SYNE1: variants seen among roughly 807,000 people sequenced by gnomAD.
SYNE1 encodes spectrin repeat containing nuclear envelope protein 1.
In SYNE1, 616 loss-of-function variants were observed where a neutral mutation model predicts 1,111.0. That is an observed-to-expected ratio of 0.55 (90% CI 0.52 to 0.59). The LOEUF (loss-of-function observed/expected upper bound fraction) is 0.59, where lower values mean the gene tolerates loss of function less well. SYNE1 is among the 20% of genes least tolerant of loss of function. SYNE1 has a pLI of 0.00. For missense variants in SYNE1, 10,006 were observed against 10,417.0 expected (o/e 0.96, Z 1.72); for synonymous variants, 3,855 against 3,825.8 (o/e 1.01, Z -0.28).
At chr6:152,596,069 A>G (rs1407223944) in intron 3 of SYNE1, among the ~76,000 whole-genome samples, 2 of 141,112 alleles carry the variant, frequency 1.4e-5, no homozygotes, top group African/African-American at 2.6e-5. Context: ...TTCTATCCCA[A>G]AAGAGTGTGC....
At chr6:152,441,595 A>G (rs2098530953) in intron 31 of SYNE1, among the ~76,000 whole-genome samples, 1 of 152,254 alleles carries the variant, frequency 6.6e-6, no homozygotes, top group African/African-American at 2.4e-5. Context: ...TGTCTCAAAC[A>G]AGAAAGGAAG....
At chr6:152,515,822 A>G (rs1408170317) in intron 6 of SYNE1, among the ~76,000 whole-genome samples, 1 of 152,250 alleles carries the variant, frequency 6.6e-6, no homozygotes, top group Non-Finnish European at 1.5e-5. Flanking sequence ...TGTTCACCAC[A>G]GTCACATTTA....
intron 3 of SYNE1, among the ~76,000 whole-genome samples, chr6:152,542,782 T>C (rs1023427212): frequency 2.6e-5 from 4 of 152,114 alleles, no homozygotes; most frequent in African/African-American, 9.7e-5. Context: ...AATCTTTAGG[T>C]TGTATAAATA....
intron 74 of SYNE1, among the ~76,000 whole-genome samples, chr6:152,343,401 G>A (rs1332443974): frequency 9.3e-5 from 14 of 150,218 alleles, no homozygotes; most frequent in Admixed American, 7.9e-4. Flanking sequence ...CTGTGTGGTC[G>A]GCCCGCCTTG....
intron 96 of SYNE1, among the ~76,000 whole-genome samples, chr6:152,282,551 GA>G (rs1326594231): frequency 1.3e-5 from 2 of 150,122 alleles, no homozygotes; most frequent in African/African-American, 4.9e-5. Flanking sequence ...AATTCATGTT[GA>G]AAAAAAAATC....
chr6:152,396,681 A>G, intron 50 of SYNE1, 94 bp downstream of exon 50: 1 of 1,167,608 alleles, frequency 8.6e-7, no homozygotes, highest in Non-Finnish European at 1.3e-6. Context: ...TCACAGTGTC[A>G]AACGTTATTT....
Position 152,330,360 on chromosome 6 carries a change from G to A in SYNE1, c.14325C>T (p.Asp4775=). 1 of 1,614,134 alleles carries A rather than the reference G, an allele frequency of 6.2e-7. No individual in the cohort carries two copies. Reference sequence around the variant, plus strand: ...CGTGTTCTTGGTAAGCACTGGTGGTGTCTTCTAATAAGCTAACCCTCTGTT... The same window carrying A: ...CGTGTTCTTGGTAAGCACTGGTGGTATCTTCTAATAAGCTAACCCTCTGTT... ...QTEQRVSLLE[D]TTSAYQEHEK... is the part of the protein sequence containing the mutation. The change falls in exon 78 of 146, where the codon GAC becomes GAT. Residue 4775 remains aspartate (D), a synonymous_variant. Transcript: ENST00000367255.
chr6:152,227,992 C>G lies in SYNE1; in HGVS notation c.21196-2116G>C, dbSNP rs11967868. ...TTAACTTCGATTAATTCATAAATAT[C>G]AGTTTTATGTTGGTTTAAATTAATA... is the stretch of plus-strand genomic sequence containing the variant. On this transcript the variant is annotated intron_variant, in intron 115 of 145. Transcript: ENST00000367255. Among the ~76,000 whole-genome samples the G allele has an allele frequency of 4.6e-3, 694 of 152,190 alleles. 7 individuals carry two copies. Among genetic ancestry groups the G allele is most frequent in the African/African-American group, 0.016 (671 of 41,536 alleles).
At position 152,122,244 on chromosome 6, in the gene SYNE1, T is replaced by A; in HGVS notation, c.*192A>T. 1.2e-6 allele frequency: 1 copy of A among 819,720 alleles called. No homozygotes were observed. Among genetic ancestry groups the A allele is most frequent in the Non-Finnish European group, 1.9e-6 (1 of 517,784 alleles). The allele number at this position is 819,720 out of a possible 1,614,324, so 50.8% of individuals were successfully genotyped here. On this transcript the variant is annotated 3_prime_UTR_variant, in exon 146 of 146. Coordinates refer to ENST00000367255, the MANE Select transcript of SYNE1 (RefSeq NM_182961.4). The stretch of plus-strand genomic sequence containing the variant: ...TTCTTCCAAACCTTCTTGTTGTCTG[T>A]TTGTTCCCCCGTCACTGTTTATCTT...
At chr6:152,202,346 CAAAA>C (rs35563822) in intron 126 of SYNE1, among the ~76,000 whole-genome samples, 2 of 48,042 alleles carry the variant, frequency 4.2e-5, no homozygotes, top group Admixed American at 4.1e-4. Context: ...GACTCTGTCT[CAAAA>C]AAAAAAAAAA....
At position 152,256,712 on chromosome 6, in the gene SYNE1, G is replaced by A. The variant is rs370053768; in HGVS notation, c.19026C>T (p.Asp6342=). The change falls in exon 102 of 146, where the codon GAC becomes GAT. Residue 6342 remains aspartate (D), a synonymous_variant. Coordinates refer to ENST00000367255, the MANE Select transcript of SYNE1 (RefSeq NM_182961.4). ...CTGCAGATTTATCTTGGGTTGGCAC[G>A]TCCCCTTTGTACAGTGGCACACCAG... ...LLSGVPLYKG[D]VPTQDKSAVT... is the part of the protein sequence containing the mutation. The A allele has an allele frequency of 1.9e-4, 302 of 1,613,844 alleles. No individual in the cohort carries two copies. Among genetic ancestry groups the A allele is most frequent in the Non-Finnish European group, 2.4e-4 (284 of 1,179,918 alleles).
chr6:152,251,084 G>A (rs1466628852), intron 104 of SYNE1, among the ~76,000 whole-genome samples: 3 of 152,002 alleles, frequency 2.0e-5, no homozygotes, highest in Non-Finnish European at 4.4e-5. Flanking sequence ...CAAGTAGCTG[G>A]GACTATAGGC....
At position 152,367,329 on chromosome 6, in the gene SYNE1, A is replaced by G. The variant is rs906193521; in HGVS notation, c.9861T>C (p.Leu3287=). 4 of 1,614,196 alleles carry G rather than the reference A, an allele frequency of 2.5e-6. No homozygotes were observed. The highest frequency in any genetic ancestry group is 2.7e-5 in the African/African-American group (2 of 75,050). The change falls in exon 62 of 146, where the codon CTT becomes CTC. Residue 3287 remains leucine, a synonymous_variant. Transcript: ENST00000367255. The part of the protein sequence containing the change: ...RIVAEHNQFS[L]GIKELQDWMT... ...TCCAGTCTTGTAATTCTTTAATCCC[A>G]AGAGAGAACTGATTGTGTTCTGCAA...
chr6:152,239,803 A>T, intron 107 of SYNE1, 97 bp from the exon 108 acceptor site: 2 of 1,327,726 alleles, frequency 1.5e-6, no homozygotes, highest in Non-Finnish European at 2.1e-6. Flanking sequence ...TCACGCCTGT[A>T]ATCCCAACAG....
chr6:152,590,371 T>C (rs919105202), intron 3 of SYNE1, among the ~76,000 whole-genome samples: 7 of 151,930 alleles, frequency 4.6e-5, no homozygotes, highest in Admixed American at 2.0e-4. Flanking sequence ...ATCCATTTTT[T>C]TTTCTGGAAT....
chr6:152,278,125 C>A lies in SYNE1; in HGVS notation c.18537G>T (p.Leu6179=). The A allele has an allele frequency of 6.2e-7, 1 of 1,614,072 alleles. No homozygotes were observed. The highest frequency in any genetic ancestry group is 8.5e-7 in the Non-Finnish European group (1 of 1,180,040). ...GCTGCTTATCATGCAGGGCTCTCTG[C>A]AGCTCCAGCAGGCTCCCCTTGAGCC... is the stretch of plus-strand genomic sequence containing the variant. ...LRRLKGSLLE[L]QRALHDKQLN... Residue 6179 remains leucine, a synonymous_variant, in exon 98 of 146, where the codon CTG becomes CTT. Coordinates refer to ENST00000367255, the MANE Select transcript of SYNE1 (RefSeq NM_182961.4).
chr6:152,203,590 A>G (rs907751188), intron 126 of SYNE1, among the ~76,000 whole-genome samples: 3 of 152,114 alleles, frequency 2.0e-5, no homozygotes, highest in Non-Finnish European at 2.9e-5. Context: ...TTCCATTATC[A>G]TCAGTCTTTT....
intron 127 of SYNE1, among the ~76,000 whole-genome samples, chr6:152,191,233 CTTTTTT>C (rs34434403): frequency 1.4e-5 from 2 of 140,202 alleles, no homozygotes; most frequent in Admixed American, 7.2e-5. Context: ...TATAATTTTC[CTTTTTT>C]TTTTTTTTTT....
intron 115 of SYNE1, among the ~76,000 whole-genome samples, chr6:152,229,665 CT>C (rs2082316491): frequency 6.6e-6 from 1 of 152,118 alleles, no homozygotes; most frequent in East Asian, 1.9e-4. Flanking sequence ...AATTAAACAT[CT>C]TAAGGACATT....
Sources: gnomAD v4.1 joint callset for allele counts (sites outside exome capture counted in the v4.1 genomes callset) on GRCh38, gnomAD v4.1.1 for gene constraint, MANE v1.5 for transcripts, NCBI Gene and HGNC (gene_info 2026-07-23, HGNC 2026-07-21) for gene names.